Variants in PRRC2B observed in about 807,000 individuals in gnomAD.
PRRC2B encodes proline rich coiled-coil 2B.
A neutral mutation model predicts 242.3 loss-of-function variants in PRRC2B; 68 were observed. The observed-to-expected ratio is 0.28, with a 90% CI of 0.23 to 0.34. The LOEUF (loss-of-function observed/expected upper bound fraction) is 0.34. PRRC2B is among the 10% of genes least tolerant of loss of function. The probability of loss-of-function intolerance (pLI) is 1.00; values close to 1 mark genes in which losing one functional copy is unlikely to be tolerated. For synonymous variants in PRRC2B, 1,228 were observed against 1,173.6 expected, an observed-to-expected ratio of 1.05 and a Z score of -0.95; for missense variants, 2,835 against 2,954.8, an observed-to-expected ratio of 0.96 and a Z score of 0.94.
At chr9:131,477,483 A>G (rs550568026) in intron 16 of PRRC2B, among the ~76,000 whole-genome samples, 40 of 151,824 alleles carry the variant, frequency 2.6e-4, no homozygotes, top group South Asian at 1.0e-3. Context: ...TCCCCCCTAC[A>G]CTCTGAACAT....
chr9:131,388,060 C>T lies in PRRC2B; in HGVS notation c.-56+14329C>T, dbSNP rs569817292. Among the ~76,000 whole-genome samples, 13 of 149,560 alleles carry T rather than the reference C, an allele frequency of 8.7e-5. 1 individual carries two copies. In the East Asian group the frequency reaches 2.4e-3, roughly 28 times the overall value. On this transcript the variant is annotated intron_variant, in intron 1 of 1. Coordinates refer to the PRRC2B transcript ENST00000682525. ...ACAAAAAGTTAGCTGGGTGCGATGG[C>T]ACACGCTATGTAGGAGGCTGAGGCA...
At chr9:131,431,174 A>T (rs1194237713) in intron 2 of PRRC2B, among the ~76,000 whole-genome samples, 1 of 151,822 alleles carries the variant, frequency 6.6e-6, no homozygotes, top group Non-Finnish European at 1.5e-5. Flanking sequence ...TCTGTCATGC[A>T]GGGTGGAGTG....
intron 3 of PRRC2B, 81 bp downstream of exon 3, chr9:131,432,875 C>T (rs1838224994): frequency 1.4e-6 from 2 of 1,460,962 alleles, no homozygotes; most frequent in African/African-American, 2.8e-5. Context: ...CAAACTAACC[C>T]TAACCCTTTG....
At chr9:131,440,522 G>A (rs1838529194) in intron 5 of PRRC2B, among the ~76,000 whole-genome samples, 1 of 152,126 alleles carries the variant, frequency 6.6e-6, no homozygotes, top group South Asian at 2.1e-4. Context: ...GCGCTGCCTG[G>A]CAAAATAATA....
At chr9:131,399,362 G>A (rs1335787160) in intron 1 of PRRC2B, among the ~76,000 whole-genome samples, 4 of 150,548 alleles carry the variant, frequency 2.7e-5, no homozygotes, top group East Asian at 3.9e-4. Flanking sequence ...GGCGGATCAC[G>A]AGGTCAGGAG....
chr9:131,439,798 A>C (rs970614020), intron 5 of PRRC2B, among the ~76,000 whole-genome samples: 4 of 152,160 alleles, frequency 2.6e-5, no homozygotes, highest in Admixed American at 1.3e-4. Flanking sequence ...CAGTGGCACA[A>C]TTATAGCCCA....
intron 1 of PRRC2B, among the ~76,000 whole-genome samples, chr9:131,407,496 A>G (rs982127934): frequency 6.6e-6 from 1 of 152,034 alleles, no homozygotes; most frequent in African/African-American, 2.4e-5. Flanking sequence ...CCTGGCCCTT[A>G]TTTTGGATCT....
intron 11 of PRRC2B, 129 bp from the exon 12 acceptor site, chr9:131,464,634 C>A: frequency 3.7e-6 from 3 of 819,220 alleles, no homozygotes; most frequent in Non-Finnish European, 5.6e-6. Flanking sequence ...GCTCTGTCTG[C>A]CACACGCCTG....
At chr9:131,442,225 T>C in intron 5 of PRRC2B, among the ~76,000 whole-genome samples, 1 of 152,012 alleles carries the variant, frequency 6.6e-6, no homozygotes, top group East Asian at 1.9e-4. Flanking sequence ...TTCAGTCTTC[T>C]GGGCTCAAGC....
intron 1 of PRRC2B, among the ~76,000 whole-genome samples, chr9:131,411,511 T>G (rs1409243923): frequency 6.6e-6 from 1 of 151,420 alleles, no homozygotes; most frequent in African/African-American, 2.4e-5. Context: ...CACGCCTGGC[T>G]AATTTTTTGT....
intron 1 of PRRC2B, among the ~76,000 whole-genome samples, chr9:131,423,806 G>A (rs75601978): frequency 0.026 from 3,927 of 152,246 alleles, 163 homozygotes; most frequent in African/African-American, 0.089. Flanking sequence ...GTCCTCGTAG[G>A]GGCTGCTTTC....
rs1838710172 is a variant in PRRC2B at position 131,444,201 on chromosome 9, C to G, written c.486C>G (p.Ser162Arg). Residue 162 changes from serine to arginine, a missense_variant, in exon 6 of 32, where the codon AGC becomes AGG. Around this residue, in one of 7 missense-constraint regions of PRRC2B, gnomAD observed 626 missense variants for 685.5 expected, o/e 0.91. Coordinates refer to ENST00000683519, the MANE Select transcript of PRRC2B (RefSeq NM_013318.4). ...TCTTGACAGGTTTAAGGGGCTCAAG[C>G]CGACTGTTATCCTTCTCTCCCGAGG... is the stretch of plus-strand genomic sequence containing the variant. ...VGHEGGLRGSSRLLSFSPEEF... is the reference protein window; with the variant it reads ...VGHEGGLRGSRRLLSFSPEEF... 2 of 1,613,880 alleles carry G rather than the reference C, an allele frequency of 1.2e-6. No homozygotes were observed. The highest frequency in any genetic ancestry group is 1.7e-6 in the Non-Finnish European group (2 of 1,179,894).
intron 11 of PRRC2B, among the ~76,000 whole-genome samples, chr9:131,462,217 ATTCT>A (rs1461228958): frequency 6.6e-6 from 1 of 152,052 alleles, no homozygotes; most frequent in Non-Finnish European, 1.5e-5. Context: ...AATTTCTTTC[ATTCT>A]TTCTTTTTTG....
chr9:131,473,442 T>C (rs1039635954), intron 14 of PRRC2B, 66 bp from the exon 15 acceptor site: 19 of 1,287,966 alleles, frequency 1.5e-5, no homozygotes, highest in Non-Finnish European at 1.9e-5. Context: ...GGGCCTTTGG[T>C]TGACCCTGAG....
At position 131,467,606 on chromosome 9, in the gene PRRC2B, A is replaced by G. The variant is rs1381651957; in HGVS notation, c.1764A>G (p.Pro588=). The part of the protein sequence containing the change: ...FPAQETPTTF[P]EEAPTVSPAV... ...CCCAAGAGACCCCCACCACATTCCC[A>G]GAAGAGGCACCCACAGTGTCCCCAG... Residue 588 remains proline (P), a synonymous_variant, in exon 13 of 32, where the codon CCA becomes CCG. Transcript: ENST00000683519. 1.2e-6 allele frequency: 2 copies of G among 1,613,062 alleles called. No homozygotes were observed. Among genetic ancestry groups the G allele is most frequent in the Non-Finnish European group, 1.7e-6 (2 of 1,179,536 alleles).
chr9:131,439,542 G>A (rs1014016576), intron 5 of PRRC2B, among the ~76,000 whole-genome samples: 1 of 152,144 alleles, frequency 6.6e-6, no homozygotes, highest in Non-Finnish European at 1.5e-5. Context: ...TGCCAGCCAA[G>A]GCTTCACCAG....
rs575970310 is a variant in PRRC2B, at chr9:131,388,875, C to G, written c.-56+15144C>G. ...TTTTTTTTTGAGACGGAGTCTCGCT[C>G]CGTTGCCCAGGCTGGAGTGCAGTGG... On this transcript the variant is annotated intron_variant, in intron 1 of 1. Transcript: ENST00000682525. Among the ~76,000 whole-genome samples, 170 of 118,228 alleles carry G rather than the reference C, an allele frequency of 1.4e-3. 5 individuals carry two copies. The highest frequency in any genetic ancestry group is 2.2e-3 in the Non-Finnish European group (125 of 55,948). 77.6% of individuals were successfully genotyped at this position (118,228 alleles called of 152,430 possible).
chr9:131,482,634 A>G lies in PRRC2B; in HGVS notation c.5175+72A>G, dbSNP rs1047184619. On this transcript the variant is annotated intron_variant, in intron 21 of 31. Transcript: ENST00000683519. This position sits in a 1 kb window ranked among gnomAD's most constrained non-coding sequence, Gnocchi z 5.2. ...GGCCATCGTCTCATCATCTTCCTCA[A>G]TTCCTGGGACAGTAGAAGCTAGAGA... 8 of 1,524,970 alleles carry G rather than the reference A, an allele frequency of 5.2e-6. No individual in the cohort carries two copies. The African/African-American group carries it at 5.5e-5, about 11-fold the overall frequency. 94.5% of individuals were successfully genotyped at this position (1,524,970 alleles called of 1,614,324 possible).
chr9:131,462,562 A>C (rs1031589954), intron 11 of PRRC2B, among the ~76,000 whole-genome samples: 1 of 150,260 alleles, frequency 6.7e-6, no homozygotes, highest in Admixed American at 6.6e-5. Flanking sequence ...CAATTTGGCC[A>C]GCCGCAGTGG....
Sources: gnomAD v4.1 joint callset for allele counts (sites outside exome capture counted in the v4.1 genomes callset) on GRCh38, gnomAD v4.1.1 for gene constraint, gnomAD v4.1.1 regional missense constraint, Gnocchi (gnomAD v3.1) non-coding constraint, MANE v1.5 for transcripts, NCBI Gene and HGNC (gene_info 2026-07-23, HGNC 2026-07-21) for gene names.